LRTM3: variants seen among roughly 807,000 people sequenced by gnomAD.
The protein encoded by LRTM3 is leucine rich repeat transmembrane protein 3, also known as leucine-rich repeat transmembrane protein 3.
At chr13:102,754,110 G>T in the LRTM3 span, among the ~76,000 whole-genome samples, 1 of 151,268 alleles carries the variant, frequency 6.6e-6, no homozygotes, top group African/African-American at 2.4e-5. Context: ...GGAGGCTGAG[G>T]CAGGAGAGTT....
At chr13:102,739,225 C>A in the LRTM3 span, 23 of 1,550,256 alleles carry the variant, frequency 1.5e-5, no homozygotes, top group Non-Finnish European at 2.0e-5. Flanking sequence ...CTTTTCCATG[C>A]AGTAAATGTC....
chr13:102,736,712 T>C, the LRTM3 span: 3 of 1,550,464 alleles, frequency 1.9e-6, no homozygotes, highest in Non-Finnish European at 2.6e-6. Context: ...TTTTAGTATA[T>C]GGGAAAGGGG....
At chr13:102,744,900 A>C in the LRTM3 span, 26 of 1,550,522 alleles carry the variant, frequency 1.7e-5, no homozygotes, top group Middle Eastern at 1.7e-4. Flanking sequence ...CCTTTACCTG[A>C]ATTGTGCTGT....
chr13:102,742,443 T>C, the LRTM3 span: 1 of 1,548,260 alleles, frequency 6.5e-7, no homozygotes, highest in Non-Finnish European at 8.7e-7. Flanking sequence ...GCAAATGTCT[T>C]GGGATCTGCC....
chr13:102,745,841 A>G, the LRTM3 span: 2 of 1,551,178 alleles, frequency 1.3e-6, no homozygotes, highest in East Asian at 4.9e-5. Context: ...AAATTGATCC[A>G]GTGTAGGGCA....
chr13:102,745,362 G>A, the LRTM3 span: 1 of 1,550,332 alleles, frequency 6.5e-7, no homozygotes, highest in South Asian at 1.2e-5. Context: ...TTTTCTCTTA[G>A]CGTGTCTTTT....
chr13:102,733,835 T>G, the LRTM3 span: 1 of 1,551,456 alleles, frequency 6.4e-7, no homozygotes, highest in Non-Finnish European at 8.7e-7. Context: ...TTGCTCTGCC[T>G]CTGGGCGGGG....
the LRTM3 span, chr13:102,743,681 T>C: frequency 6.5e-7 from 1 of 1,549,766 alleles, no homozygotes; most frequent in Non-Finnish European, 8.7e-7. Flanking sequence ...ATGACCATGA[T>C]TTTCTTGGCA....
At chr13:102,748,377 C>G in the LRTM3 span, 1 of 1,550,858 alleles carries the variant, frequency 6.4e-7, no homozygotes, top group East Asian at 2.4e-5. Flanking sequence ...ATTTTGCTTC[C>G]TGGGGAAATG....
the LRTM3 span, chr13:102,735,469 A>G: frequency 6.4e-7 from 1 of 1,551,232 alleles, no homozygotes; most frequent in African/African-American, 1.4e-5. Flanking sequence ...GAGTAAGTAA[A>G]GAAGTATTAA....
the LRTM3 span, among the ~76,000 whole-genome samples, chr13:102,752,608 TA>T: frequency 6.6e-6 from 1 of 152,234 alleles, no homozygotes; most frequent in South Asian, 2.1e-4. Context: ...ACAAAAATAT[TA>T]GGTAAATATT....
the LRTM3 span, chr13:102,737,440 C>A: frequency 6.4e-7 from 1 of 1,550,758 alleles, no homozygotes; most frequent in East Asian, 2.5e-5. Context: ...TGTGTCCATC[C>A]CTTTTCTCTT....
the LRTM3 span, chr13:102,736,337 A>C: frequency 6.4e-7 from 1 of 1,551,070 alleles, no homozygotes; most frequent in Non-Finnish European, 8.7e-7. Flanking sequence ...GATGCTGAAC[A>C]CTTGTGGAGG....
the LRTM3 span, chr13:102,758,593 A>C: frequency 1.3e-6 from 2 of 1,544,412 alleles, no homozygotes; most frequent in East Asian, 4.9e-5. Context: ...TAATGGAAAA[A>C]AAATTGTTAG....
the LRTM3 span, among the ~76,000 whole-genome samples, chr13:102,752,485 A>G: frequency 2.0e-5 from 3 of 152,180 alleles, no homozygotes; most frequent in Non-Finnish European, 4.4e-5. Flanking sequence ...CATTCTTTTC[A>G]AAACACCATC....
the LRTM3 span, chr13:102,739,405 A>G: frequency 6.4e-7 from 1 of 1,550,446 alleles, no homozygotes; most frequent in Non-Finnish European, 8.7e-7. Context: ...CTCTTCTGGC[A>G]TTTGATGATG....
At chr13:102,749,795 C>T in the LRTM3 span, 4 of 1,551,310 alleles carry the variant, frequency 2.6e-6, no homozygotes, top group Non-Finnish European at 3.5e-6. Context: ...AGCATTTTGT[C>T]CTGGAAAAGA....
the LRTM3 span, among the ~76,000 whole-genome samples, chr13:102,755,060 T>C: frequency 6.6e-6 from 1 of 152,206 alleles, no homozygotes; most frequent in Non-Finnish European, 1.5e-5. Flanking sequence ...CAAAATCTGA[T>C]ATAAGGTCAG....
the LRTM3 span, among the ~76,000 whole-genome samples, chr13:102,753,361 C>A: frequency 3.3e-5 from 5 of 151,944 alleles, no homozygotes; most frequent in East Asian, 7.7e-4. Context: ...TTAGGACAGA[C>A]AAATACCTAA....
Sources: allele counts gnomAD v4.1 joint callset (sites outside exome capture counted in the v4.1 genomes callset), GRCh38; gene constraint gnomAD v4.1.1; transcripts MANE v1.5; gene names NCBI Gene and HGNC (gene_info 2026-07-23, HGNC 2026-07-21).